The following GRID1 variants were observed in gnomAD, a reference collection of about 807,000 sequenced individuals.
The protein encoded by GRID1 is glutamate receptor ionotropic, delta-1.
In GRID1, 28 loss-of-function variants were observed where a neutral mutation model predicts 98.0. The ratio of observed to expected loss-of-function variants is 0.29; its 90% CI spans 0.21 to 0.39. The LOEUF (loss-of-function observed/expected upper bound fraction) is 0.39. Ranked by LOEUF, GRID1 falls within the 10% of genes least tolerant of loss-of-function variation. The probability of loss-of-function intolerance (pLI) is 1.00; values close to 1 mark genes in which losing one functional copy is unlikely to be tolerated. For synonymous variants in GRID1, 553 were observed against 538.5 expected, an observed-to-expected ratio of 1.03 and a Z score of -0.37; for missense variants, 1,111 against 1,340.5, an observed-to-expected ratio of 0.83 and a Z score of 2.67.
intron 2 of GRID1, among the ~76,000 whole-genome samples, chr10:86,291,757 G>C (rs1589439027): frequency 6.6e-6 from 1 of 152,256 alleles, no homozygotes; most frequent in East Asian, 1.9e-4. Flanking sequence ...CTCCAAGGCT[G>C]ATGCAAAGTG....
chr10:86,106,057 G>A (rs1452134701), intron 4 of GRID1, among the ~76,000 whole-genome samples: 6 of 152,152 alleles, frequency 3.9e-5, no homozygotes, highest in African/African-American at 7.2e-5. Flanking sequence ...TCAAGACCAC[G>A]GTCTTGGGGA....
chr10:85,656,658 C>T (rs1442459436), intron 12 of GRID1, among the ~76,000 whole-genome samples: 4 of 152,212 alleles, frequency 2.6e-5, no homozygotes, highest in African/African-American at 7.2e-5. Context: ...CTTTGAGATG[C>T]TGTAGCCAAG....
At chr10:85,634,350 T>A (rs1173407615) in intron 13 of GRID1, among the ~76,000 whole-genome samples, 2 of 149,536 alleles carry the variant, frequency 1.3e-5, no homozygotes, top group Non-Finnish European at 3.0e-5. Flanking sequence ...CCAGAGCAAA[T>A]CTTAATATCC....
At chr10:86,284,308 A>C (rs919188144) in intron 2 of GRID1, among the ~76,000 whole-genome samples, 1 of 152,112 alleles carries the variant, frequency 6.6e-6, no homozygotes, top group Non-Finnish European at 1.5e-5. Context: ...CCCTACACAC[A>C]CACAGCCCAC....
At chr10:86,306,661 G>A (rs1279620892) in intron 2 of GRID1, among the ~76,000 whole-genome samples, 1 of 152,138 alleles carries the variant, frequency 6.6e-6, no homozygotes, top group Non-Finnish European at 1.5e-5. Flanking sequence ...AGGAGGAAGG[G>A]AAAAAGAGAG....
chr10:86,243,989 A>G (rs1846680068), intron 2 of GRID1, among the ~76,000 whole-genome samples: 1 of 152,212 alleles, frequency 6.6e-6, no homozygotes, highest in Non-Finnish European at 1.5e-5. Context: ...GCTTGTGTGC[A>G]CTGTGTGTAC....
intron 4 of GRID1, among the ~76,000 whole-genome samples, chr10:85,935,167 A>G (rs1252863332): frequency 6.6e-6 from 1 of 152,192 alleles, no homozygotes; most frequent in African/African-American, 2.4e-5. Context: ...GTTATTAAAG[A>G]TGAGACAGCA....
chr10:86,294,400 G>C (rs1365338336), intron 2 of GRID1, among the ~76,000 whole-genome samples: 1 of 152,230 alleles, frequency 6.6e-6, no homozygotes, highest in Non-Finnish European at 1.5e-5. Context: ...GTGCCATGAT[G>C]AGAACAGACC....
chr10:85,834,666 AT>A (rs1400552365), intron 8 of GRID1, among the ~76,000 whole-genome samples: 1 of 152,194 alleles, frequency 6.6e-6, no homozygotes, highest in Non-Finnish European at 1.5e-5. Context: ...TGGAAGTAAG[AT>A]TTCTACACTT....
At chr10:86,280,910 T>A (rs1258601037) in intron 2 of GRID1, among the ~76,000 whole-genome samples, 3 of 152,196 alleles carry the variant, frequency 2.0e-5, no homozygotes, top group African/African-American at 7.2e-5. Flanking sequence ...CACATCCAAA[T>A]CCTTCTCAAC....
At chr10:86,104,886 G>T (rs1025696489) in intron 4 of GRID1, among the ~76,000 whole-genome samples, 1 of 152,214 alleles carries the variant, frequency 6.6e-6, no homozygotes, top group South Asian at 2.1e-4. Flanking sequence ...CAGCGGACAG[G>T]GGGGCAAAAG....
At chr10:86,188,770 C>A (rs918469960) in intron 3 of GRID1, among the ~76,000 whole-genome samples, 1 of 152,196 alleles carries the variant, frequency 6.6e-6, no homozygotes, top group Non-Finnish European at 1.5e-5. Context: ...CATCAGTAAT[C>A]CCATTTAATC....
At chr10:85,976,971 A>AAGGAC (rs1455758831) in intron 4 of GRID1, among the ~76,000 whole-genome samples, 1 of 152,188 alleles carries the variant, frequency 6.6e-6, no homozygotes, top group Non-Finnish European at 1.5e-5. Flanking sequence ...GGCAGTTAGG[A>AAGGAC]AGGACTAAGC....
chr10:86,158,526 C>T (rs1010720547), intron 3 of GRID1, among the ~76,000 whole-genome samples: 1 of 152,200 alleles, frequency 6.6e-6, no homozygotes, highest in Admixed American at 6.5e-5. Context: ...GGACTCAGCT[C>T]CAACCCCACT....
chr10:86,125,266 G>A (rs535475683), intron 4 of GRID1, among the ~76,000 whole-genome samples: 4 of 152,332 alleles, frequency 2.6e-5, no homozygotes, highest in Non-Finnish European at 2.9e-5. Context: ...CAGGCAGGCC[G>A]AAACCCTCCC....
chr10:85,948,978 A>C (rs1226682198), intron 4 of GRID1, among the ~76,000 whole-genome samples: 2 of 152,160 alleles, frequency 1.3e-5, no homozygotes, highest in African/African-American at 4.8e-5. Context: ...AATACACTTT[A>C]AGCCCACACA....
chr10:85,873,190 G>A (rs918996000), intron 5 of GRID1, among the ~76,000 whole-genome samples: 1 of 152,186 alleles, frequency 6.6e-6, no homozygotes, highest in African/African-American at 2.4e-5. Context: ...CATCAGGTCA[G>A]TCTCTGTACT....
intron 2 of GRID1, among the ~76,000 whole-genome samples, chr10:86,351,515 T>C (rs1848461634): frequency 6.6e-6 from 1 of 152,160 alleles, no homozygotes. Flanking sequence ...CTCTAGAAAG[T>C]AGGCATGAGA....
intron 2 of GRID1, among the ~76,000 whole-genome samples, chr10:86,209,120 G>T (rs941981915): frequency 6.6e-6 from 1 of 152,180 alleles, no homozygotes; most frequent in Non-Finnish European, 1.5e-5. Flanking sequence ...ACATCAACAT[G>T]CATGAAAGAA....
Sources: allele counts gnomAD v4.1 joint callset (sites outside exome capture counted in the v4.1 genomes callset), GRCh38; gene constraint gnomAD v4.1.1; transcripts MANE v1.5; gene names NCBI Gene and HGNC (gene_info 2026-07-23, HGNC 2026-07-21).